The following ROR1 variants were observed in gnomAD, a reference collection of about 807,000 sequenced individuals.
ROR1 encodes the protein ROR family WNT receptor 1.
A neutral mutation model predicts 78.8 loss-of-function variants in ROR1; 19 were observed. The observed-to-expected ratio is 0.24, with a 90% confidence interval of 0.17 to 0.35. The LOEUF (loss-of-function observed/expected upper bound fraction) is 0.35, where lower values mean the gene tolerates loss of function less well. Among genes scored for constraint, ROR1 ranks in the 10% least tolerant of loss-of-function variants. The probability of loss-of-function intolerance (pLI) is 1.00; values close to 1 mark genes in which losing one functional copy is unlikely to be tolerated. For missense variants in ROR1, 917 were observed against 1,177.8 expected (o/e 0.78, Z 3.24); for synonymous variants, 386 against 433.6 (o/e 0.89, Z 1.36).
chr1:64,142,835 G>T (rs150638763), intron 7 of ROR1, 185 bp downstream of exon 7: 9 of 1,419,064 alleles, frequency 6.3e-6, no homozygotes, highest in Non-Finnish European at 7.3e-6. Context: ...ACCAAAACAC[G>T]TTCTCAAGAA....
intron 1 of ROR1, among the ~76,000 whole-genome samples, chr1:63,884,578 A>G (rs924900420): frequency 4.6e-5 from 7 of 152,166 alleles, no homozygotes; most frequent in Non-Finnish European, 8.8e-5. Flanking sequence ...TAAACCAGGG[A>G]TCCTTTTTCT....
intron 1 of ROR1, among the ~76,000 whole-genome samples, chr1:63,949,026 T>C (rs1171416084): frequency 6.6e-6 from 1 of 152,182 alleles, no homozygotes; most frequent in Non-Finnish European, 1.5e-5. Context: ...TCTGTGACAT[T>C]GTACAATATG....
At chr1:63,838,375 C>A (rs61765125) in intron 1 of ROR1, among the ~76,000 whole-genome samples, 3 of 151,782 alleles carry the variant, frequency 2.0e-5, no homozygotes. Context: ...CTGTTATTGC[C>A]CCTTGAAGAG....
chr1:64,021,941 G>A (rs1015856237), intron 2 of ROR1, among the ~76,000 whole-genome samples: 2 of 152,118 alleles, frequency 1.3e-5, no homozygotes, highest in African/African-American at 4.8e-5. Flanking sequence ...ATGCAGGTAC[G>A]CACATATTCA....
chr1:64,065,848 C>T (rs6676050), intron 4 of ROR1, among the ~76,000 whole-genome samples: 7 of 152,122 alleles, frequency 4.6e-5, no homozygotes, highest in Non-Finnish European at 8.8e-5. Context: ...AAATACATTT[C>T]ATAGTGATTG....
intron 4 of ROR1, among the ~76,000 whole-genome samples, chr1:64,128,674 A>G (rs1482981889): frequency 2.0e-5 from 3 of 152,214 alleles, no homozygotes; most frequent in African/African-American, 2.4e-5. Flanking sequence ...CATTAGGGAC[A>G]TAGTAGTGAC....
chr1:64,007,818 A>G (rs1169102024), intron 1 of ROR1, among the ~76,000 whole-genome samples: 3 of 152,200 alleles, frequency 2.0e-5, no homozygotes, highest in Non-Finnish European at 4.4e-5. Flanking sequence ...TTCCTTAGGA[A>G]GGCTATTAAA....
At chr1:63,916,707 T>A (rs550792877) in intron 1 of ROR1, among the ~76,000 whole-genome samples, 1 of 152,330 alleles carries the variant, frequency 6.6e-6, no homozygotes, top group Non-Finnish European at 1.5e-5. Context: ...TGCTTCCACC[T>A]GGCCTGCATC....
In ROR1 at chr1:64,151,636, G is replaced by A. The variant is rs529769243; in HGVS notation, c.1175-7345G>A. On this transcript the variant is annotated intron_variant, in intron 7 of 8. Coordinates refer to ENST00000371079, the MANE Select transcript of ROR1 (RefSeq NM_005012.4). ...GCCTGTAATCCTAGCACTTTGGGAG[G>A]CCGAGGCGGGCAGATCATTTAAGGT... is the stretch of plus-strand genomic sequence containing the variant. Among the ~76,000 whole-genome samples the A allele has an allele frequency of 2.3e-4, 35 of 151,992 alleles. No individual in the cohort carries two copies. In the South Asian group the frequency reaches 7.1e-3, roughly 31 times the overall value.
At chr1:64,170,239 A>G (rs569006104) in intron 8 of ROR1, among the ~76,000 whole-genome samples, 15 of 152,226 alleles carry the variant, frequency 9.9e-5, no homozygotes, top group Admixed American at 3.3e-4. Flanking sequence ...CTGGGCATCC[A>G]GGCATTTCCA....
intron 4 of ROR1, among the ~76,000 whole-genome samples, chr1:64,052,357 A>G (rs1312163289): frequency 6.6e-6 from 1 of 152,188 alleles, no homozygotes; most frequent in Non-Finnish European, 1.5e-5. Flanking sequence ...TCTATATCCC[A>G]GGCTGATTAA....
At chr1:63,943,106 A>AAC (rs1377931328) in intron 1 of ROR1, among the ~76,000 whole-genome samples, 1 of 151,680 alleles carries the variant, frequency 6.6e-6, no homozygotes, top group African/African-American at 2.4e-5. Context: ...AAAAAAAAAA[A>AAC]AAAAAAAAAA....
chr1:63,804,109 G>T (rs1644814150), intron 1 of ROR1, among the ~76,000 whole-genome samples: 1 of 152,134 alleles, frequency 6.6e-6, no homozygotes, highest in African/African-American at 2.4e-5. Context: ...GGTTGCCAGG[G>T]TTAGGGACTC....
intron 2 of ROR1, among the ~76,000 whole-genome samples, chr1:64,037,288 T>C (rs953471185): frequency 2.0e-5 from 3 of 152,162 alleles, no homozygotes; most frequent in Admixed American, 6.5e-5. Context: ...TGATATGTCT[T>C]CCTGCATGAG....
At chr1:63,834,624 T>A (rs1330994577) in intron 1 of ROR1, among the ~76,000 whole-genome samples, 1 of 152,198 alleles carries the variant, frequency 6.6e-6, no homozygotes, top group Non-Finnish European at 1.5e-5. Flanking sequence ...AAATGGATTT[T>A]TCCAAAACCA....
Position 63,792,872 on chromosome 1 carries a change from T to C in ROR1, c.91+18364T>C, listed in dbSNP as rs1644735648. Among the ~76,000 whole-genome samples the C allele has an allele frequency of 7.2e-5, 11 of 152,224 alleles. No homozygotes were observed. The South Asian group carries it at 2.1e-3, about 29-fold the overall frequency. On this transcript the variant is annotated intron_variant, in intron 1 of 8. Coordinates refer to ENST00000371079, the MANE Select transcript of ROR1 (RefSeq NM_005012.4). ...AGAGTATCCAGTTGAATTAAGTATTTTGCTGAAAGATGAAGGGACTGTGAG... is the reference window on the plus strand; with the variant it reads ...AGAGTATCCAGTTGAATTAAGTATTCTGCTGAAAGATGAAGGGACTGTGAG...
chr1:64,060,120 CT>C (rs1646905879), intron 4 of ROR1, among the ~76,000 whole-genome samples: 1 of 151,476 alleles, frequency 6.6e-6, no homozygotes, highest in African/African-American at 2.4e-5. Context: ...TCTTTCTTTT[CT>C]TTTATCTTCT....
At chr1:64,030,697 C>T (rs1352838790) in intron 2 of ROR1, among the ~76,000 whole-genome samples, 4 of 152,156 alleles carry the variant, frequency 2.6e-5, no homozygotes, top group Admixed American at 1.3e-4. Context: ...TCTCTAAAGT[C>T]TTCTGACTCA....
At chr1:64,155,942 A>G (rs1649758401) in intron 7 of ROR1, among the ~76,000 whole-genome samples, 1 of 152,232 alleles carries the variant, frequency 6.6e-6, no homozygotes, top group Non-Finnish European at 1.5e-5. Flanking sequence ...ACATTATCTC[A>G]TTTGATTCTC....
Sources: gnomAD v4.1 joint callset for allele counts (sites outside exome capture counted in the v4.1 genomes callset) on GRCh38, gnomAD v4.1.1 for gene constraint, MANE v1.5 for transcripts, NCBI Gene and HGNC (gene_info 2026-07-23, HGNC 2026-07-21) for gene names.